Variants in HNMT observed in about 807,000 individuals in gnomAD.
HNMT encodes histamine N-methyltransferase.
In HNMT, 30 loss-of-function variants were observed where a neutral mutation model predicts 32.1. The ratio of observed to expected loss-of-function variants is 0.93; its 90% CI spans 0.70 to 1.27. The LOEUF (loss-of-function observed/expected upper bound fraction) is 1.27, where lower values mean the gene tolerates loss of function less well. Ranked by LOEUF, HNMT falls within the 50% of genes most tolerant of loss-of-function variation. The probability of loss-of-function intolerance (pLI) is 0.00; values close to 1 mark genes in which losing one functional copy is unlikely to be tolerated. For missense variants in HNMT, 327 were observed against 346.0 expected, an observed-to-expected ratio of 0.95 and a Z score of 0.43; for synonymous variants, 125 against 119.0, an observed-to-expected ratio of 1.05 and a Z score of -0.33.
chr2:137,977,598 T>A (rs1325261852), intron 2 of HNMT, among the ~76,000 whole-genome samples: 1 of 152,006 alleles, frequency 6.6e-6, no homozygotes, highest in Admixed American at 6.6e-5. Context: ...TTATTCAAAA[T>A]ATAAAAAATT....
intron 2 of HNMT, among the ~76,000 whole-genome samples, chr2:137,986,547 A>G (rs534839182): frequency 1.2e-4 from 19 of 152,250 alleles, no homozygotes; most frequent in Non-Finnish European, 2.2e-4. Flanking sequence ...CAGTCTACCA[A>G]TTCAAACATT....
chr2:138,003,096 A>T (rs1480965872), intron 4 of HNMT, among the ~76,000 whole-genome samples: 1 of 59,310 alleles, frequency 1.7e-5, no homozygotes, highest in African/African-American at 6.6e-5. Context: ...GGGTGGGGGG[A>T]GGGGGGAGGG....
intron 2 of HNMT, among the ~76,000 whole-genome samples, chr2:137,990,651 A>G (rs751149913): frequency 8.5e-5 from 13 of 152,162 alleles, no homozygotes; most frequent in Non-Finnish European, 1.8e-4. Flanking sequence ...AATGTCAAGG[A>G]ATATTTTATT....
At chr2:137,981,557 T>C in intron 2 of HNMT, 1 of 585,238 alleles carries the variant, frequency 1.7e-6, no homozygotes, top group South Asian at 2.3e-5. Flanking sequence ...TTTTATTCAC[T>C]GCTACGTCTC....
In HNMT at chr2:137,970,919, C is replaced by CA. The variant is rs1179144967; in HGVS notation, c.190+719dup. Among the ~76,000 whole-genome samples, 45 of 18,346 alleles carry CA rather than the reference C, an allele frequency of 2.5e-3. 1 individual carries two copies. Among genetic ancestry groups the CA allele is most frequent in the African/African-American group, 9.5e-3 (43 of 4,544 alleles). The allele number at this position is 18,346 out of a possible 152,430, so 12.0% of individuals were successfully genotyped here. Reference sequence around the variant, plus strand: ...TGGGTGACAGAGCGAGACTACGTCTCAAAAAAAAAAAAAAAAAGAAAGAAA... The same window carrying CA: ...TGGGTGACAGAGCGAGACTACGTCTCAAAAAAAAAAAAAAAAAAGAAAGAAA... On this transcript the variant is annotated intron_variant, in intron 2 of 5. Coordinates refer to ENST00000280097, the MANE Select transcript of HNMT (RefSeq NM_006895.3).
chr2:137,974,172 G>C (rs542578535), intron 2 of HNMT, among the ~76,000 whole-genome samples: 1 of 152,182 alleles, frequency 6.6e-6, no homozygotes, highest in Non-Finnish European at 1.5e-5. Flanking sequence ...AGCTTTTACA[G>C]AGACCAAACT....
At chr2:137,997,323 A>G (rs780457113) in intron 2 of HNMT, among the ~76,000 whole-genome samples, 8 of 152,118 alleles carry the variant, frequency 5.3e-5, no homozygotes, top group Non-Finnish European at 7.4e-5. Context: ...AAATGAATTT[A>G]TAAGAAAAAA....
intron 2 of HNMT, among the ~76,000 whole-genome samples, chr2:137,993,241 A>G (rs1680880317): frequency 6.6e-6 from 1 of 152,196 alleles, no homozygotes; most frequent in Non-Finnish European, 1.5e-5. Context: ...AAATATGGGT[A>G]ATAAAAACCT....
intron 5 of HNMT, among the ~76,000 whole-genome samples, chr2:138,009,729 C>T (rs4646331): frequency 1.3e-5 from 2 of 151,886 alleles, no homozygotes; most frequent in Non-Finnish European, 2.9e-5. Context: ...AAAATTACTA[C>T]TCATTGTTTT....
chr2:137,982,613 AAAT>A (rs1348900536), intron 2 of HNMT, among the ~76,000 whole-genome samples: 5 of 152,220 alleles, frequency 3.3e-5, no homozygotes, highest in Non-Finnish European at 7.3e-5. Context: ...GTTTGGTAGG[AAAT>A]TACACAGGAG....
Position 137,978,701 on chromosome 2 carries a change from G to T in HNMT, c.190+8484G>T, listed in dbSNP as rs111207997. Among the ~76,000 whole-genome samples, 107 of 133,880 alleles carry T rather than the reference G, an allele frequency of 8.0e-4. 1 individual carries two copies. The highest frequency in any genetic ancestry group is 2.9e-3 in the African/African-American group (97 of 33,730). The allele number at this position is 133,880 out of a possible 152,430, so 87.8% of individuals were successfully genotyped here. A position where few individuals can be genotyped will look rare whatever the true frequency, so the allele number is the denominator to read the frequency against. On this transcript the variant is annotated intron_variant, in intron 2 of 5. Coordinates refer to ENST00000280097, the MANE Select transcript of HNMT (RefSeq NM_006895.3). ...TAGTATTATACAATACATATGATTA[G>T]ATAATATAGTATTATACAATACATA...
chr2:137,990,520 G>A lies in HNMT; in HGVS notation c.191-10398G>A, dbSNP rs186780824. On this transcript the variant is annotated intron_variant, in intron 2 of 5. Coordinates refer to ENST00000280097, the MANE Select transcript of HNMT (RefSeq NM_006895.3). ...GTAAGTCTTGAAGTCAGATAGTGTC[G>A]GTTCTCCAACTTTATTCTTCTCTTT... Among the ~76,000 whole-genome samples the A allele has an allele frequency of 2.1e-4, 32 of 152,028 alleles. No homozygotes were observed. In the East Asian group the frequency reaches 3.7e-3, roughly 18 times the overall value.
intron 2 of HNMT, among the ~76,000 whole-genome samples, chr2:137,974,428 A>G (rs1680226041): frequency 1.3e-5 from 2 of 152,082 alleles, no homozygotes; most frequent in African/African-American, 2.4e-5. Context: ...TTATTATTCA[A>G]CCTCTAATGA....
intron 2 of HNMT, among the ~76,000 whole-genome samples, chr2:137,997,211 G>A (rs1253944841): frequency 6.6e-6 from 1 of 152,012 alleles, no homozygotes; most frequent in Non-Finnish European, 1.5e-5. Flanking sequence ...CACAGCAAAA[G>A]AAACTATCAT....
intron 4 of HNMT, chr2:138,002,604 C>T (rs1681207812): frequency 5.1e-6 from 1 of 197,252 alleles, no homozygotes; most frequent in Non-Finnish European, 9.2e-6. Flanking sequence ...TGCACCACCA[C>T]ACCCAACTAA....
intron 4 of HNMT, among the ~76,000 whole-genome samples, chr2:138,004,285 G>A (rs1461594835): frequency 6.6e-6 from 1 of 152,046 alleles, no homozygotes; most frequent in Non-Finnish European, 1.5e-5. Context: ...CCATGCACAG[G>A]TCAGGTCCAT....
chr2:138,014,142 A>G lies in HNMT; in HGVS notation c.*12A>G. ...TGATTGAGGCATAACTATCAATCAC[A>G]AAAGTATATTCAAAAATTATATTTT... On this transcript the variant is annotated 3_prime_UTR_variant, in exon 6 of 6. Coordinates refer to ENST00000280097, the MANE Select transcript of HNMT (RefSeq NM_006895.3). 1 of 1,413,358 alleles carries G rather than the reference A, an allele frequency of 7.1e-7. No individual in the cohort carries two copies. The allele number at this position is 1,413,358 out of a possible 1,614,324, so 87.6% of individuals were successfully genotyped here.
intron 2 of HNMT, among the ~76,000 whole-genome samples, chr2:137,999,926 A>T (rs1434927031): frequency 6.6e-6 from 1 of 152,190 alleles, no homozygotes; most frequent in East Asian, 1.9e-4. Context: ...AATAAAAAAA[A>T]AAAAGAAGCT....
chr2:138,010,437 A>ACG (rs1477759184), intron 5 of HNMT, among the ~76,000 whole-genome samples: 6 of 104,174 alleles, frequency 5.8e-5, no homozygotes, highest in South Asian at 4.0e-4. Flanking sequence ...TAAAAAAGAC[A>ACG]CACGCACACA....
Sources: gnomAD v4.1 joint callset for allele counts (sites outside exome capture counted in the v4.1 genomes callset) on GRCh38, gnomAD v4.1.1 for gene constraint, MANE v1.5 for transcripts, NCBI Gene and HGNC (gene_info 2026-07-23, HGNC 2026-07-21) for gene names.